DUSP22: variants seen among roughly 807,000 people sequenced by gnomAD.
DUSP22 encodes the protein dual specificity phosphatase 22.
Under a neutral mutation model 24.5 loss-of-function variants are expected in DUSP22, and 24 were observed. The ratio of observed to expected loss-of-function variants is 0.98; its 90% confidence interval spans 0.71 to 1.38. The LOEUF (loss-of-function observed/expected upper bound fraction) is 1.38, where lower values mean the gene tolerates loss of function less well. Ranked by LOEUF, DUSP22 falls within the 40% of genes most tolerant of loss-of-function variation. DUSP22 has a pLI of 0.00. For synonymous variants in DUSP22, 160 were observed against 106.4 expected, an observed-to-expected ratio of 1.50 and a Z score of -3.10; for missense variants, 330 against 269.2, an observed-to-expected ratio of 1.23 and a Z score of -1.58.
intron 4 of DUSP22, among the ~76,000 whole-genome samples, chr6:337,374 A>C (rs944984114): frequency 2.0e-5 from 3 of 152,304 alleles, no homozygotes; most frequent in Non-Finnish European, 2.9e-5. Context: ...TGTAAAACTG[A>C]GTCTGTTTTC....
chr6:333,893 C>G (rs554000117), intron 3 of DUSP22, among the ~76,000 whole-genome samples: 1 of 152,304 alleles, frequency 6.6e-6, no homozygotes, highest in African/African-American at 2.4e-5. Context: ...TGAAGTGTGT[C>G]TGGTGCCTGT....
At chr6:304,164 A>G (rs1458344622) in intron 1 of DUSP22, among the ~76,000 whole-genome samples, 5 of 152,424 alleles carry the variant, frequency 3.3e-5, no homozygotes, top group East Asian at 3.8e-4. Context: ...CACAGGGGAC[A>G]TAGAGGGCTA....
chr6:315,870 A>G (rs1188222992), intron 3 of DUSP22, among the ~76,000 whole-genome samples: 1 of 152,310 alleles, frequency 6.6e-6, no homozygotes, highest in Non-Finnish European at 1.5e-5. Flanking sequence ...CCTTTGGTGT[A>G]TGCACAAGAT....
chr6:341,106 C>A (rs1424613786), intron 4 of DUSP22, among the ~76,000 whole-genome samples: 2 of 152,304 alleles, frequency 1.3e-5, no homozygotes, highest in African/African-American at 2.4e-5. Flanking sequence ...CCTGGAGGTG[C>A]CCCTGCTGCA....
intron 1 of DUSP22, among the ~76,000 whole-genome samples, chr6:296,726 A>G (rs1471987185): frequency 7.2e-5 from 11 of 152,300 alleles, no homozygotes; most frequent in Non-Finnish European, 1.2e-4. Context: ...ACATTATGTC[A>G]GAGAAGGCTG....
At chr6:345,136 C>T (rs1192564569) in intron 4 of DUSP22, among the ~76,000 whole-genome samples, 1 of 152,298 alleles carries the variant, frequency 6.6e-6, no homozygotes, top group African/African-American at 2.4e-5. Flanking sequence ...GAGACAGCTC[C>T]AGCCACAGAC....
chr6:338,244 A>T (rs1234131933), intron 4 of DUSP22, among the ~76,000 whole-genome samples: 3 of 152,306 alleles, frequency 2.0e-5, no homozygotes, highest in African/African-American at 7.2e-5. Flanking sequence ...TACTAAAGTT[A>T]TGTGGAAATG....
At position 351,129 on chromosome 6, in the gene DUSP22, G is replaced by A. The variant is rs1298369407; in HGVS notation, c.*2178G>A. ...CTGTAAGGATCCCGGGAGCCTTGCCGCACTGCCTTGTGGGTGGCTTGGCGC... is the reference window on the plus strand; with the variant it reads ...CTGTAAGGATCCCGGGAGCCTTGCCACACTGCCTTGTGGGTGGCTTGGCGC... On this transcript the variant is annotated 3_prime_UTR_variant, in exon 7 of 7. Coordinates refer to ENST00000419235, the MANE Select transcript of DUSP22 (RefSeq NM_001286555.3). 2.5e-5 allele frequency: 14 copies of A among 563,132 alleles called. No homozygotes were observed. Among genetic ancestry groups the A allele is most frequent in the Non-Finnish European group, 4.0e-5 (13 of 328,892 alleles). 34.9% of individuals were successfully genotyped at this position (563,132 alleles called of 1,614,324 possible).
chr6:327,148 T>C (rs1484339609), intron 3 of DUSP22, among the ~76,000 whole-genome samples: 4 of 152,306 alleles, frequency 2.6e-5, no homozygotes, highest in Non-Finnish European at 5.9e-5. Flanking sequence ...AGCAGGAGCA[T>C]TACTGAGAGG....
intron 3 of DUSP22, among the ~76,000 whole-genome samples, chr6:331,856 T>C (rs892644253): frequency 6.6e-5 from 10 of 152,420 alleles, no homozygotes; most frequent in Admixed American, 5.2e-4. Context: ...ACTCCTTCCT[T>C]GACTGAGTTT....
intron 3 of DUSP22, among the ~76,000 whole-genome samples, chr6:317,667 C>T (rs965337743): frequency 3.3e-5 from 5 of 152,412 alleles, no homozygotes; most frequent in Admixed American, 2.6e-4. Context: ...TGCTTTATGA[C>T]GTAAGTGTTC....
rs576924701 is a variant in DUSP22 at position 350,428 on chromosome 6, A to G, written c.*1477A>G. 1.1e-5 allele frequency: 12 copies of G among 1,122,554 alleles called. No individual in the cohort carries two copies. The highest frequency in any genetic ancestry group is 2.4e-5 in the South Asian group (1 of 42,530). 69.5% of individuals were successfully genotyped at this position (1,122,554 alleles called of 1,614,324 possible). On this transcript the variant is annotated 3_prime_UTR_variant, in exon 7 of 7. Coordinates refer to ENST00000419235, the MANE Select transcript of DUSP22 (RefSeq NM_001286555.3). Reference sequence around the variant, plus strand: ...ACATACTCGACCTCTCCCTAAAAAGATGTTGCAACCCAGTTTCTCTGAATT... The same window carrying G: ...ACATACTCGACCTCTCCCTAAAAAGGTGTTGCAACCCAGTTTCTCTGAATT...
intron 3 of DUSP22, 28 bp from the exon 4 acceptor site, chr6:335,086 T>A: frequency 6.2e-7 from 1 of 1,607,778 alleles, no homozygotes; most frequent in East Asian, 2.2e-5. Context: ...TTTTTATTTT[T>A]ATGTATTTAC....
intron 3 of DUSP22, among the ~76,000 whole-genome samples, chr6:324,967 G>C (rs1286187168): frequency 6.6e-6 from 1 of 152,308 alleles, no homozygotes; most frequent in Non-Finnish European, 1.5e-5. Flanking sequence ...GTTTAAGGCA[G>C]GCTGCCGCAT....
Position 350,239 on chromosome 6 carries a change from A to C in DUSP22, c.*1288A>C. On this transcript the variant is annotated 3_prime_UTR_variant, in exon 7 of 7. Transcript: ENST00000419235. ...ATTTAAAGTTGCCAGTTTGGGCTCC[A>C]GTAATGCTTTCTGGTGGGTAAAATT... 1.0e-6 allele frequency: 1 copy of C among 988,358 alleles called. No individual in the cohort carries two copies. Among genetic ancestry groups the C allele is most frequent in the Non-Finnish European group, 1.2e-6 (1 of 832,016 alleles). 61.2% of individuals were successfully genotyped at this position (988,358 alleles called of 1,614,324 possible).
rs72838722 is a variant in DUSP22, at chr6:293,291, G to C, written c.21+731G>C. 3.6e-3 allele frequency among the ~76,000 whole-genome samples: 543 copies of C among 152,334 alleles called. 2 individuals are homozygous for C. Among genetic ancestry groups the C allele is most frequent in the Non-Finnish European group, 5.5e-3 (373 of 67,994 alleles). On this transcript the variant is annotated intron_variant, in intron 1 of 6. Transcript: ENST00000419235. The stretch of plus-strand genomic sequence containing the variant: ...GCGGTGGGCTAGCCTTTCCCGTCCA[G>C]GGAAGTTGCCAGATTCCAGCTCTGG...
intron 4 of DUSP22, among the ~76,000 whole-genome samples, chr6:344,703 C>T (rs529023372): frequency 7.1e-4 from 108 of 152,382 alleles, no homozygotes; most frequent in African/African-American, 2.4e-3. Flanking sequence ...CTGGGCCACA[C>T]GGTCCAGTAA....
chr6:298,093 G>A (rs1325516572), intron 1 of DUSP22, among the ~76,000 whole-genome samples: 1 of 152,294 alleles, frequency 6.6e-6, no homozygotes, highest in Non-Finnish European at 1.5e-5. Flanking sequence ...GGTGGGCTCT[G>A]GTTCCTTTCC....
At chr6:340,164 A>T (rs1165225387) in intron 4 of DUSP22, among the ~76,000 whole-genome samples, 1 of 152,302 alleles carries the variant, frequency 6.6e-6, no homozygotes, top group Non-Finnish European at 1.5e-5. Context: ...TATCTGGCCA[A>T]ATGAAAAGTA....
Sources: gnomAD v4.1 joint callset for allele counts (sites outside exome capture counted in the v4.1 genomes callset) on GRCh38, gnomAD v4.1.1 for gene constraint, MANE v1.5 for transcripts, NCBI Gene and HGNC (gene_info 2026-07-23, HGNC 2026-07-21) for gene names.